The following WNK1 variants were observed in gnomAD, a reference collection of about 807,000 sequenced individuals.
WNK1 encodes serine/threonine-protein kinase WNK1.
A neutral mutation model predicts 222.8 loss-of-function variants in WNK1; 38 were observed. The observed-to-expected ratio is 0.17, with a 90% CI of 0.13 to 0.22. The LOEUF is 0.22. Among genes scored for constraint, WNK1 ranks in the 10% least tolerant of loss-of-function variants. The pLI, the probability that WNK1 is intolerant of heterozygous loss-of-function variation, is 1.00. For synonymous variants in WNK1, 1,090 were observed against 1,092.9 expected (o/e 1.00, Z 0.05); for missense variants, 2,348 against 2,918.4 (o/e 0.80, Z 4.50).
chr12:861,977 C>A, intron 7 of WNK1, 106 bp from the exon 8 acceptor site: 1 of 1,232,514 alleles, frequency 8.1e-7, no homozygotes, highest in Non-Finnish European at 1.2e-6. Flanking sequence ...CAAGGAATAA[C>A]TAGTTACCCC....
chr12:897,303 G>C (rs901188063), intron 24 of WNK1, among the ~76,000 whole-genome samples, 176 bp from the exon 25 acceptor site: 18 of 152,176 alleles, frequency 1.2e-4, no homozygotes, highest in African/African-American at 3.4e-4. Context: ...CATGGCTTGG[G>C]TAATGCAGGC....
rs1453901419 is a variant in WNK1 at position 752,611 on chromosome 12, C to G, written c.-955C>G. ...CGGCGCCATTTAGCGCGGAGAGTTT[C>G]CCGGGTGGACGCGGCTCCTCTCTCG... On this transcript the variant is annotated 5_prime_UTR_variant, in exon 1 of 28. Transcript: ENST00000315939. The G allele has an allele frequency of 1.3e-5, 2 of 152,234 alleles. No homozygotes were observed. The highest frequency in any genetic ancestry group is 2.9e-5 in the Non-Finnish European group (2 of 68,118). The allele number at this position is 152,234 out of a possible 1,614,324, so 9.4% of individuals were successfully genotyped here. A position where few individuals can be genotyped will look rare whatever the true frequency, so the allele number is the denominator to read the frequency against.
chr12:804,554 G>A (rs1213995723), intron 1 of WNK1, among the ~76,000 whole-genome samples: 2 of 151,882 alleles, frequency 1.3e-5, no homozygotes, highest in Admixed American at 6.6e-5. Flanking sequence ...TGTATTTTTA[G>A]TAGAGGTGGG....
At chr12:906,133 CACTT>C (rs1213536026) in intron 26 of WNK1, among the ~76,000 whole-genome samples, 2 of 152,142 alleles carry the variant, frequency 1.3e-5, no homozygotes, top group Admixed American at 6.5e-5. Flanking sequence ...ATAACGCATG[CACTT>C]ACTTACCCCC....
chr12:849,083 T>G (rs1395501993), intron 4 of WNK1, among the ~76,000 whole-genome samples: 1 of 152,228 alleles, frequency 6.6e-6, no homozygotes, highest in Admixed American at 6.5e-5. Context: ...AGAGGTAGGC[T>G]GCACTTTTGC....
chr12:777,170 G>GA (rs1943206858), intron 1 of WNK1, among the ~76,000 whole-genome samples: 1 of 119,740 alleles, frequency 8.4e-6, no homozygotes, highest in Non-Finnish European at 1.8e-5. Flanking sequence ...TTTTTTTTTT[G>GA]TTTTTTTTTT....
At chr12:773,030 G>A (rs1213727232) in intron 1 of WNK1, among the ~76,000 whole-genome samples, 3 of 152,112 alleles carry the variant, frequency 2.0e-5, no homozygotes, top group South Asian at 2.1e-4. Flanking sequence ...AGGCCAAGGC[G>A]GGCAGATCAC....
intron 1 of WNK1, among the ~76,000 whole-genome samples, chr12:766,685 G>C (rs1941742563): frequency 6.6e-6 from 1 of 151,992 alleles, no homozygotes; most frequent in Non-Finnish European, 1.5e-5. Context: ...CACCATGTTG[G>C]TTGGGCTGGT....
chr12:908,051 C>A lies in WNK1; in HGVS notation c.6831+17C>A. ...AATTACGAGGTAAGTCTCTCTTTTG[C>A]CGCAGAGAATCCGTAACACACATCT... is the stretch of plus-strand genomic sequence containing the variant. On this transcript the variant is annotated intron_variant, in intron 27 of 27. Transcript: ENST00000315939. The A allele has an allele frequency of 1.2e-6, 2 of 1,613,598 alleles. No individual in the cohort carries two copies. The highest frequency in any genetic ancestry group is 1.7e-6 in the Non-Finnish European group (2 of 1,179,792).
intron 1 of WNK1, among the ~76,000 whole-genome samples, chr12:768,810 GTTT>G (rs925153461): frequency 6.6e-6 from 1 of 151,574 alleles, no homozygotes; most frequent in African/African-American, 2.4e-5. Flanking sequence ...AATGGATGAA[GTTT>G]TTTTGTTTTT....
intron 4 of WNK1, among the ~76,000 whole-genome samples, chr12:841,866 C>G (rs946396523): frequency 3.9e-5 from 6 of 152,206 alleles, no homozygotes; most frequent in African/African-American, 1.4e-4. Flanking sequence ...ATGACCTGAT[C>G]TGCTCTCATG....
chr12:758,051 A>AAAAG, intron 1 of WNK1, among the ~76,000 whole-genome samples: 1 of 88,270 alleles, frequency 1.1e-5, no homozygotes, highest in African/African-American at 3.4e-5. Context: ...AAAAAAAAAA[A>AAAAG]AAAGAAAGAA....
intron 25 of WNK1, 103 bp downstream of exon 25, chr12:897,784 A>G: frequency 1.6e-6 from 2 of 1,276,628 alleles, no homozygotes; most frequent in Non-Finnish European, 2.2e-6. Flanking sequence ...TTAAATTTCA[A>G]AGGAATTTGG....
At chr12:789,979 C>T (rs907267667) in intron 1 of WNK1, among the ~76,000 whole-genome samples, 3 of 152,200 alleles carry the variant, frequency 2.0e-5, no homozygotes, top group African/African-American at 7.2e-5. Flanking sequence ...GAAAATGGAA[C>T]TTCCATGATT....
intron 8 of WNK1, 150 bp downstream of exon 8, chr12:862,420 G>A (rs1324826059): frequency 1.1e-6 from 1 of 877,860 alleles, no homozygotes; most frequent in Non-Finnish European, 1.8e-6. Flanking sequence ...TATAGAGTAG[G>A]ATATAGACAT....
At position 764,271 on chromosome 12, in the gene WNK1, G is replaced by A. The variant is rs546292392; in HGVS notation, c.759+9947G>A. On this transcript the variant is annotated intron_variant, in intron 1 of 27. Coordinates refer to ENST00000315939, the MANE Select transcript of WNK1 (RefSeq NM_018979.4). ...AAGTTCTATTTTCATAGTAGTAATT[G>A]TGGAGAATGAATTTAACAAGTAGTA... Among the ~76,000 whole-genome samples the A allele has an allele frequency of 5.4e-5, 8 of 147,640 alleles. 1 individual carries two copies. The highest frequency in any genetic ancestry group is 1.2e-4 in the Non-Finnish European group (8 of 66,070).
chr12:752,655 C>T lies in WNK1; in HGVS notation c.-911C>T, dbSNP rs1364651158. 6.6e-6 allele frequency: 1 copy of T among 152,558 alleles called. No individual in the cohort carries two copies. Among genetic ancestry groups the T allele is most frequent in the Non-Finnish European group, 1.5e-5 (1 of 68,322 alleles). The allele number at this position is 152,558 out of a possible 1,614,324, so 9.5% of individuals were successfully genotyped here. On this transcript the variant is annotated 5_prime_UTR_variant, in exon 1 of 28. Coordinates refer to ENST00000315939, the MANE Select transcript of WNK1 (RefSeq NM_018979.4). The stretch of plus-strand genomic sequence containing the variant: ...TCTCTCGGCCACTCCGCACCCCCAT[C>T]TTCGGTGACAGAAGGCGCCTGGTGG...
chr12:784,820 A>G (rs1944109687), intron 1 of WNK1, among the ~76,000 whole-genome samples: 1 of 152,126 alleles, frequency 6.6e-6, no homozygotes, highest in Non-Finnish European at 1.5e-5. Flanking sequence ...GATTCTTCTT[A>G]TATCTAGCTG....
At chr12:777,322 G>C (rs1033235815) in intron 1 of WNK1, among the ~76,000 whole-genome samples, 3 of 151,810 alleles carry the variant, frequency 2.0e-5, no homozygotes, top group Non-Finnish European at 4.4e-5. Flanking sequence ...ACCACGCCCA[G>C]CTAATTTTTG....
Sources: gnomAD v4.1 joint callset for allele counts (sites outside exome capture counted in the v4.1 genomes callset) on GRCh38, gnomAD v4.1.1 for gene constraint, MANE v1.5 for transcripts, NCBI Gene and HGNC (gene_info 2026-07-23, HGNC 2026-07-21) for gene names.